The following MCM5 variants were observed in gnomAD, a reference collection of about 807,000 sequenced individuals.
MCM5 encodes minichromosome maintenance complex component 5, also known as DNA replication licensing factor MCM5.
A neutral mutation model predicts 79.9 loss-of-function variants in MCM5; 46 were observed. The observed-to-expected ratio is 0.58, with a 90% CI of 0.45 to 0.74. MCM5 has a LOEUF of 0.74. Among genes scored for constraint, MCM5 ranks in the 30% least tolerant of loss-of-function variants. The probability of loss-of-function intolerance (pLI) is 0.00; values close to 1 mark genes in which losing one functional copy is unlikely to be tolerated. For missense variants in MCM5, 883 were observed against 1,017.0 expected, an observed-to-expected ratio of 0.87 and a Z score of 1.79; for synonymous variants, 404 against 390.5, an observed-to-expected ratio of 1.03 and a Z score of -0.41.
At chr22:35,447,094 G>A in the MCM5 span, among the ~76,000 whole-genome samples, 1 of 152,208 alleles carries the variant, frequency 6.6e-6, no homozygotes, top group African/African-American at 2.4e-5. Context: ...GGCTGGTCCT[G>A]CTGGCCCTTC....
rs763188039 is a variant in MCM5 at position 35,412,528 on chromosome 22, C to T, written c.938C>T (p.Ala313Val). The change falls in exon 8 of 17, where the codon GCC becomes GTC. Residue 313 changes from alanine to valine, a missense_variant. Around this residue, in one of 3 missense-constraint regions of MCM5, gnomAD observed 455 missense variants for 517.5 expected, o/e 0.88. Coordinates refer to ENST00000216122, the MANE Select transcript of MCM5 (RefSeq NM_006739.4). ...TDGSGRSFAGAVSPQEEEEFR... is the reference protein window; with the variant it reads ...TDGSGRSFAGVVSPQEEEEFR... Reference sequence around the variant, plus strand: ...TACCAAGGCCGCAGCTTTGCTGGGGCCGTGAGCCCCCAGGAGGAGGAGGAG... The same window carrying T: ...TACCAAGGCCGCAGCTTTGCTGGGGTCGTGAGCCCCCAGGAGGAGGAGGAG... The T allele has an allele frequency of 1.3e-6, 2 of 1,562,990 alleles. No individual in the cohort carries two copies. The highest frequency in any genetic ancestry group is 8.7e-7 in the Non-Finnish European group (1 of 1,152,828).
At chr22:35,418,534 C>T (rs1932607394) in intron 13 of MCM5, among the ~76,000 whole-genome samples, 2 of 151,956 alleles carry the variant, frequency 1.3e-5, no homozygotes, top group South Asian at 2.1e-4. Context: ...GTGGTGCACA[C>T]CTATAGTCCC....
At chr22:35,448,497 C>T in the MCM5 span, among the ~76,000 whole-genome samples, 5 of 152,294 alleles carry the variant, frequency 3.3e-5, no homozygotes, top group South Asian at 2.1e-4. Flanking sequence ...TCATCGTATT[C>T]GTCATTCACT....
Position 35,412,543 on chromosome 22 carries a change from A to T in MCM5, c.953A>T (p.Glu318Val). 1 of 1,575,074 alleles carries T rather than the reference A, an allele frequency of 6.3e-7. No individual in the cohort carries two copies. The highest frequency in any genetic ancestry group is 8.6e-7 in the Non-Finnish European group (1 of 1,158,214). Residue 318 changes from glutamate to valine, a missense_variant, in exon 8 of 17, where the codon GAG becomes GTG. Coordinates refer to ENST00000216122, the MANE Select transcript of MCM5 (RefSeq NM_006739.4). ...RSFAGAVSPQ[E>V]EEEFRRLAAL... is the part of the protein sequence containing the mutation. The stretch of plus-strand genomic sequence containing the variant: ...TTTGCTGGGGCCGTGAGCCCCCAGG[A>T]GGAGGAGGAGTTCCGTCGCCTGGCT...
chr22:35,416,085 C>T (rs1932531926), intron 10 of MCM5, 113 bp downstream of exon 10: 1 of 1,345,876 alleles, frequency 7.4e-7, no homozygotes, highest in Non-Finnish European at 1.0e-6. Context: ...TTTTCAATCC[C>T]TGGGCCGGTC....
chr22:35,433,317 T>C, the MCM5 span, among the ~76,000 whole-genome samples: 2 of 152,172 alleles, frequency 1.3e-5, no homozygotes, highest in African/African-American at 2.4e-5. Context: ...ATCCATGTTA[T>C]AGATGAGACC....
chr22:35,422,939 G>A lies in MCM5; in HGVS notation c.1976-275G>A, dbSNP rs561850058. 6.7e-5 allele frequency: 19 copies of A among 283,398 alleles called. 1 individual carries two copies. The South Asian group carries it at 8.6e-4, about 13-fold the overall frequency. 17.6% of individuals were successfully genotyped at this position (283,398 alleles called of 1,614,324 possible). On this transcript the variant is annotated intron_variant, in intron 15 of 16. Transcript: ENST00000216122. ...GGACTTGGTCCCTAGTGACACTCTG[G>A]CCATGTCTCTGCTGCGCTGGGCCCC...
At chr22:35,416,311 T>C in intron 10 of MCM5, 28 bp from the exon 11 acceptor site, 2 of 1,608,382 alleles carry the variant, frequency 1.2e-6, no homozygotes, top group Non-Finnish European at 1.7e-6. Flanking sequence ...TCAGTAGGTC[T>C]GATGATATTT....
At chr22:35,440,866 T>C in the MCM5 span, among the ~76,000 whole-genome samples, 1 of 152,162 alleles carries the variant, frequency 6.6e-6, no homozygotes, top group East Asian at 1.9e-4. Flanking sequence ...AAGACCAACC[T>C]GACCAACATG....
the MCM5 span, among the ~76,000 whole-genome samples, chr22:35,440,004 AT>A: frequency 1.3e-5 from 2 of 152,242 alleles, no homozygotes; most frequent in Non-Finnish European, 2.9e-5. Flanking sequence ...AATAAAAAAA[AT>A]CATCTAGAAT....
the MCM5 span, among the ~76,000 whole-genome samples, chr22:35,443,464 C>T: frequency 3.9e-5 from 6 of 152,306 alleles, no homozygotes; most frequent in East Asian, 9.7e-4. Context: ...GCTGGGATTA[C>T]AGACATGAGC....
At chr22:35,445,325 C>CTTTTTTTTTTTTTT in the MCM5 span, among the ~76,000 whole-genome samples, 1 of 83,628 alleles carries the variant, frequency 1.2e-5, no homozygotes, top group Non-Finnish European at 2.1e-5. Flanking sequence ...TTTGACTATG[C>CTTTTTTTTTTTTTT]TTTTTTTTTT....
At chr22:35,446,171 T>C in the MCM5 span, among the ~76,000 whole-genome samples, 2 of 152,216 alleles carry the variant, frequency 1.3e-5, no homozygotes, top group African/African-American at 4.8e-5. Context: ...AGGCTCTGTG[T>C]GTTCTCCTCT....
intron 9 of MCM5, 71 bp downstream of exon 9, chr22:35,414,057 C>T: frequency 1.0e-6 from 1 of 986,372 alleles, no homozygotes; most frequent in African/African-American, 1.6e-5. Flanking sequence ...GCCTCTGGGT[C>T]CTCAGGACAC....
At chr22:35,431,251 C>T in the MCM5 span, among the ~76,000 whole-genome samples, 2 of 152,214 alleles carry the variant, frequency 1.3e-5, no homozygotes, top group Non-Finnish European at 2.9e-5. Flanking sequence ...CGTTATCATG[C>T]TCCAGCGGAA....
At chr22:35,435,610 GC>G in the MCM5 span, among the ~76,000 whole-genome samples, 1 of 152,222 alleles carries the variant, frequency 6.6e-6, no homozygotes, top group African/African-American at 2.4e-5. Context: ...TCCTGCTGCA[GC>G]CTTTGTCCTG....
Position 35,425,265 on chromosome 22 carries a change from T to C in MCM5, c.*1010T>C, listed in dbSNP as rs1380381100. ...AAATAGAAATCAGTGAAATAAAATA[T>C]TTGATATTTAAAATACATTTAGAAA... On this transcript the variant is annotated 3_prime_UTR_variant, in exon 17 of 17. Transcript: ENST00000216122. The C allele has an allele frequency of 6.6e-6, 1 of 152,220 alleles. No individual in the cohort carries two copies. The highest frequency in any genetic ancestry group is 1.5e-5 in the Non-Finnish European group (1 of 68,046). The allele number at this position is 152,220 out of a possible 1,614,324, so 9.4% of individuals were successfully genotyped here.
intron 4 of MCM5, among the ~76,000 whole-genome samples, chr22:35,404,815 T>C (rs1932162697): frequency 6.6e-6 from 1 of 152,062 alleles, no homozygotes; most frequent in Admixed American, 6.6e-5. Flanking sequence ...GGAGACAAGG[T>C]GGAGAGAGAT....
At chr22:35,429,090 A>G (rs1422970704), downstream of MCM5, among the ~76,000 whole-genome samples, 3 of 147,722 alleles carry the variant, frequency 2.0e-5, no homozygotes, top group Non-Finnish European at 4.4e-5. Context: ...GGTTCAAGCA[A>G]TTCTCCTGCC....
Sources: gnomAD v4.1 joint callset for allele counts (sites outside exome capture counted in the v4.1 genomes callset) on GRCh38, gnomAD v4.1.1 for gene constraint, gnomAD v4.1.1 regional missense constraint, MANE v1.5 for transcripts, NCBI Gene and HGNC (gene_info 2026-07-23, HGNC 2026-07-21) for gene names.